Variants in SPOCK3 observed in about 807,000 individuals in gnomAD.
SPOCK3 encodes the protein SPARC (osteonectin), cwcv and kazal like domains proteoglycan 3, also known as testican-3.
SPOCK3 carries 30 observed loss-of-function variants against 56.6 expected under a neutral mutation model. The ratio of observed to expected loss-of-function variants is 0.53; its 90% CI spans 0.40 to 0.72. The LOEUF (loss-of-function observed/expected upper bound fraction) is 0.72. Ranked by LOEUF, SPOCK3 falls within the 30% of genes least tolerant of loss-of-function variation. SPOCK3 has a pLI of 0.00. For missense variants in SPOCK3, 527 were observed against 530.0 expected (o/e 0.99, Z 0.06); for synonymous variants, 196 against 183.3 (o/e 1.07, Z -0.56).
chr4:166,826,650 AT>A (rs978902126), intron 6 of SPOCK3, among the ~76,000 whole-genome samples: 9 of 151,576 alleles, frequency 5.9e-5, no homozygotes, highest in South Asian at 4.2e-4. Flanking sequence ...AATAAATAAA[AT>A]TTTTTTTTCA....
chr4:167,155,441 T>C lies in SPOCK3; in HGVS notation c.189+78544A>G, dbSNP rs114241004. 9.7e-3 allele frequency among the ~76,000 whole-genome samples: 1,484 copies of C among 152,266 alleles called. 15 individuals are homozygous for C. The highest frequency in any genetic ancestry group is 0.013 in the Non-Finnish European group (911 of 68,026). On this transcript the variant is annotated intron_variant, in intron 2 of 10. Coordinates refer to ENST00000357545, the MANE Select transcript of SPOCK3 (RefSeq NM_001040159.2). The stretch of plus-strand genomic sequence containing the variant: ...CATATCTGCTAATATCTACTATTTT[T>C]AAATCCAGAAAATGGAACCAAACAA...
intron 4 of SPOCK3, among the ~76,000 whole-genome samples, chr4:166,966,191 A>G (rs572135913): frequency 1.2e-3 from 188 of 150,918 alleles, no homozygotes; most frequent in African/African-American, 4.5e-3. Flanking sequence ...AGAGCTAATG[A>G]GTACTTCATT....
rs1272979285 is a variant in SPOCK3, at chr4:166,961,376, GAGGATTGA to G, written c.350+38965_350+38972del. 5.9e-5 allele frequency among the ~76,000 whole-genome samples: 9 copies of G among 152,152 alleles called. No homozygotes were observed. In the East Asian group the frequency reaches 1.7e-3, roughly 29 times the overall value. ...TGCAGAATTGAGCACTCCCAAATTT[GAGGATTGA>G]AGTATTAATTGAAGAAAACTTCTGG... On this transcript the variant is annotated intron_variant, in intron 4 of 10. Coordinates refer to ENST00000357545, the MANE Select transcript of SPOCK3 (RefSeq NM_001040159.2).
At chr4:166,972,912 C>T (rs1745543163) in intron 4 of SPOCK3, among the ~76,000 whole-genome samples, 1 of 152,070 alleles carries the variant, frequency 6.6e-6, no homozygotes, top group Non-Finnish European at 1.5e-5. Context: ...TTTGGATAAA[C>T]TTGGAATAAA....
chr4:166,978,531 A>G (rs1266688202), intron 4 of SPOCK3, among the ~76,000 whole-genome samples: 1 of 152,202 alleles, frequency 6.6e-6, no homozygotes, highest in Non-Finnish European at 1.5e-5. Context: ...AAAATCTCCA[A>G]TACATGGAGA....
At chr4:167,234,829 C>T (rs1737558737), upstream of SPOCK3, 1 of 152,668 alleles carries the variant, frequency 6.6e-6, no homozygotes, top group Admixed American at 6.5e-5. Context: ...TTCTCATGTT[C>T]GCGAGACAGC....
At chr4:166,947,591 T>A (rs902626459) in intron 4 of SPOCK3, among the ~76,000 whole-genome samples, 1 of 151,956 alleles carries the variant, frequency 6.6e-6, no homozygotes, top group African/African-American at 2.4e-5. Flanking sequence ...ATTGGCAATT[T>A]AAAAAAAAGA....
chr4:166,860,815 ATG>A (rs909033039), intron 6 of SPOCK3, among the ~76,000 whole-genome samples: 7 of 144,658 alleles, frequency 4.8e-5, no homozygotes, highest in South Asian at 4.4e-4. Flanking sequence ...ATATATATAT[ATG>A]TATATATATA....
At chr4:166,931,249 C>T (rs951424939) in intron 4 of SPOCK3, among the ~76,000 whole-genome samples, 8 of 148,288 alleles carry the variant, frequency 5.4e-5, no homozygotes, top group African/African-American at 7.5e-5. Flanking sequence ...CTCAAAGTGC[C>T]GGGATTTCAG....
chr4:166,918,643 C>A (rs199791546), intron 4 of SPOCK3, among the ~76,000 whole-genome samples: 20 of 100,940 alleles, frequency 2.0e-4, no homozygotes, highest in African/African-American at 1.6e-4. Flanking sequence ...CACAAAAAAA[C>A]AATTTTTAAA....
chr4:166,960,837 T>A (rs1037967677), intron 4 of SPOCK3, among the ~76,000 whole-genome samples: 2 of 151,828 alleles, frequency 1.3e-5, no homozygotes, highest in African/African-American at 4.9e-5. Flanking sequence ...ACCTGGTCAG[T>A]CTTTCAGGGA....
intron 5 of SPOCK3, among the ~76,000 whole-genome samples, chr4:166,898,342 C>G (rs1444126316): frequency 1.3e-5 from 2 of 152,104 alleles, no homozygotes; most frequent in East Asian, 3.9e-4. Flanking sequence ...CAAGGTTTCT[C>G]TCTCTCCAAG....
intron 3 of SPOCK3, among the ~76,000 whole-genome samples, chr4:167,050,480 C>T (rs917956296): frequency 2.6e-5 from 4 of 152,200 alleles, no homozygotes; most frequent in African/African-American, 4.8e-5. Flanking sequence ...CAGTTGCTGT[C>T]GAGAACAATA....
At chr4:167,024,057 G>A (rs959698866) in intron 3 of SPOCK3, among the ~76,000 whole-genome samples, 4 of 151,924 alleles carry the variant, frequency 2.6e-5, no homozygotes, top group Non-Finnish European at 4.4e-5. Context: ...TCTCTCTCCC[G>A]TGGTTACAAT....
At chr4:166,754,765 T>C (rs1391932804) in intron 7 of SPOCK3, 36 bp from the exon 8 acceptor site, 1 of 1,607,534 alleles carries the variant, frequency 6.2e-7, no homozygotes, top group Admixed American at 1.7e-5. Flanking sequence ...TAGTTAAATA[T>C]GAAAGACACC....
chr4:166,964,347 G>C (rs1401592159), intron 4 of SPOCK3, among the ~76,000 whole-genome samples: 3 of 151,652 alleles, frequency 2.0e-5, no homozygotes, highest in African/African-American at 7.3e-5. Context: ...ATGTTGCTAT[G>C]GGATTTAAAA....
chr4:166,821,757 A>G, intron 6 of SPOCK3, among the ~76,000 whole-genome samples: 1 of 152,060 alleles, frequency 6.6e-6, no homozygotes, highest in East Asian at 1.9e-4. Context: ...GGAATTAACA[A>G]TGTCTACAAA....
chr4:167,033,710 C>T (rs184654257), intron 3 of SPOCK3, among the ~76,000 whole-genome samples: 2 of 151,922 alleles, frequency 1.3e-5, no homozygotes, highest in Admixed American at 1.3e-4. Flanking sequence ...TCCTTGCCTG[C>T]CTGGGCCCCA....
chr4:166,904,933 T>C (rs973009829), intron 5 of SPOCK3, among the ~76,000 whole-genome samples: 4 of 152,020 alleles, frequency 2.6e-5, no homozygotes, highest in African/African-American at 7.2e-5. Context: ...TCAGTTAAGG[T>C]CTTGCTGGGA....
Sources: allele counts gnomAD v4.1 joint callset (sites outside exome capture counted in the v4.1 genomes callset), GRCh38; gene constraint gnomAD v4.1.1; transcripts MANE v1.5; gene names NCBI Gene and HGNC (gene_info 2026-07-23, HGNC 2026-07-21).